The following YTHDC2 variants were observed in gnomAD, a reference collection of about 807,000 sequenced individuals.
The protein encoded by YTHDC2 is YTH N6-methyladenosine RNA binding protein C2.
YTHDC2 carries 45 observed loss-of-function variants against 174.9 expected under a neutral mutation model. The ratio of observed to expected loss-of-function variants is 0.26; its 90% CI spans 0.20 to 0.33. The LOEUF (loss-of-function observed/expected upper bound fraction) is 0.33. Ranked by LOEUF, YTHDC2 falls within the 10% of genes least tolerant of loss-of-function variation. The pLI is 1.00. For missense variants in YTHDC2, 1,650 were observed against 1,723.7 expected (o/e 0.96, Z 0.76); for synonymous variants, 657 against 574.5 (o/e 1.14, Z -2.05).
intron 2 of YTHDC2, among the ~76,000 whole-genome samples, chr5:113,517,931 C>G (rs1454315907): frequency 2.0e-5 from 3 of 152,044 alleles, no homozygotes; most frequent in Non-Finnish European, 4.4e-5. Flanking sequence ...CTCTGTCACC[C>G]AGGCTGGAGT....
intron 8 of YTHDC2, among the ~76,000 whole-genome samples, chr5:113,540,211 A>G (rs3936114): frequency 1.3e-5 from 2 of 152,226 alleles, no homozygotes; most frequent in African/African-American, 4.8e-5. Context: ...AAAATTATAT[A>G]TAATTGTATC....
At chr5:113,548,410 A>T (rs1273228775) in intron 10 of YTHDC2, 131 bp from the exon 11 acceptor site, 3 of 777,762 alleles carry the variant, frequency 3.9e-6, no homozygotes, top group Admixed American at 3.0e-5. Flanking sequence ...TGCTGTCATT[A>T]TGTAGTTAAG....
At chr5:113,568,459 A>G (rs909559094) in intron 23 of YTHDC2, among the ~76,000 whole-genome samples, 3 of 151,870 alleles carry the variant, frequency 2.0e-5, no homozygotes, top group African/African-American at 7.2e-5. Context: ...TGCACAGATC[A>G]TGACATCATG....
chr5:113,584,163 A>G (rs1363864757), intron 25 of YTHDC2, 139 bp from the exon 26 acceptor site: 12 of 665,604 alleles, frequency 1.8e-5, no homozygotes, highest in Non-Finnish European at 2.8e-5. Context: ...GTATTTTTAA[A>G]TAATATTCCA....
At chr5:113,551,751 A>G (rs974280625) in intron 12 of YTHDC2, among the ~76,000 whole-genome samples, 2 of 152,200 alleles carry the variant, frequency 1.3e-5, no homozygotes, top group African/African-American at 4.8e-5. Context: ...AACTTAAAGT[A>G]TAATAAAACA....
intron 26 of YTHDC2, among the ~76,000 whole-genome samples, chr5:113,587,593 A>G (rs1778765225): frequency 6.9e-6 from 1 of 144,658 alleles, no homozygotes; most frequent in Non-Finnish European, 1.5e-5. Context: ...AATATAATTA[A>G]TATTTATGAC....
chr5:113,594,885 G>C lies in YTHDC2; in HGVS notation c.*1411G>C, dbSNP rs1779182826. On this transcript the variant is annotated 3_prime_UTR_variant, in exon 30 of 30. Coordinates refer to ENST00000161863, the MANE Select transcript of YTHDC2 (RefSeq NM_022828.5). The stretch of plus-strand genomic sequence containing the variant: ...ACTTTCTCTGGGAAAGCATTATATA[G>C]TGGTGCATTAGTTTAGAAAGTCAGC... 2 of 152,138 alleles carry C rather than the reference G, an allele frequency of 1.3e-5. No homozygotes were observed. The highest frequency in any genetic ancestry group is 4.8e-5 in the African/African-American group (2 of 41,436). 9.4% of individuals were successfully genotyped at this position (152,138 alleles called of 1,614,324 possible).
At chr5:113,522,375 A>G (rs998743245) in intron 2 of YTHDC2, among the ~76,000 whole-genome samples, 2 of 152,186 alleles carry the variant, frequency 1.3e-5, no homozygotes, top group Non-Finnish European at 2.9e-5. Flanking sequence ...TTGATTACTT[A>G]TAGCATCATT....
In YTHDC2 at chr5:113,539,193, A is replaced by C. The variant is rs748161639; in HGVS notation, c.1210+12A>C. The C allele has an allele frequency of 3.5e-6, 4 of 1,146,560 alleles. No homozygotes were observed. The highest frequency in any genetic ancestry group is 1.6e-5 in the African/African-American group (1 of 61,858). 71.0% of individuals were successfully genotyped at this position (1,146,560 alleles called of 1,614,324 possible). A position where few individuals can be genotyped will look rare whatever the true frequency, so the allele number is the denominator to read the frequency against. On this transcript the variant is annotated intron_variant, in intron 8 of 29. Coordinates refer to ENST00000161863, the MANE Select transcript of YTHDC2 (RefSeq NM_022828.5). ...GGAAAAACAGCAAGGTAAATTTTTT[A>C]ATAAAAGAAATATAAAAGAAATTAC...
At position 113,594,944 on chromosome 5, in the gene YTHDC2, T is replaced by C. The variant is rs1040039689; in HGVS notation, c.*1470T>C. 2 of 152,176 alleles carry C rather than the reference T, an allele frequency of 1.3e-5. No homozygotes were observed. 9.4% of individuals were successfully genotyped at this position (152,176 alleles called of 1,614,324 possible). ...TGCCTATAGTTCTAGTTATTAGCTT[T>C]GGGGTTTTCTTGTACTTTAAGACAT... On this transcript the variant is annotated 3_prime_UTR_variant, in exon 30 of 30. Transcript: ENST00000161863.
chr5:113,524,194 A>G (rs1403278995), intron 2 of YTHDC2, among the ~76,000 whole-genome samples: 1 of 152,116 alleles, frequency 6.6e-6, no homozygotes, highest in Non-Finnish European at 1.5e-5. Flanking sequence ...CTGAGCTCTT[A>G]ATCAGTATTA....
intron 10 of YTHDC2, among the ~76,000 whole-genome samples, chr5:113,545,729 T>A (rs1283208109): frequency 3.7e-5 from 1 of 26,936 alleles, no homozygotes; most frequent in Non-Finnish European, 6.8e-5. Context: ...TTGATCTCCA[T>A]TTTTTTTTTT....
chr5:113,564,831 T>C (rs544464770), intron 20 of YTHDC2, among the ~76,000 whole-genome samples: 1 of 152,212 alleles, frequency 6.6e-6, no homozygotes, highest in Non-Finnish European at 1.5e-5. Context: ...GTTGTTGTTT[T>C]TTGAGACAGT....
At chr5:113,552,564 T>A (rs1776320194) in intron 12 of YTHDC2, among the ~76,000 whole-genome samples, 1 of 152,178 alleles carries the variant, frequency 6.6e-6, no homozygotes, top group African/African-American at 2.4e-5. Flanking sequence ...ATTTGTCAAT[T>A]GATGAACACT....
At chr5:113,564,276 A>C in intron 20 of YTHDC2, 145 bp downstream of exon 20, 1 of 956,448 alleles carries the variant, frequency 1.0e-6, no homozygotes, top group Non-Finnish European at 1.5e-6. Flanking sequence ...AGTCCTGAAA[A>C]ATATCTTCTT....
At chr5:113,569,673 T>C (rs2112745195) in intron 23 of YTHDC2, among the ~76,000 whole-genome samples, 1 of 152,344 alleles carries the variant, frequency 6.6e-6, no homozygotes, top group East Asian at 1.9e-4. Context: ...GTCTTATTTC[T>C]GAGTTCTCTA....
At chr5:113,528,368 T>C (rs976743295) in intron 4 of YTHDC2, among the ~76,000 whole-genome samples, 5 of 152,226 alleles carry the variant, frequency 3.3e-5, no homozygotes, top group Admixed American at 3.3e-4. Flanking sequence ...AATACTAATG[T>C]TTTTATTCTT....
At chr5:113,589,408 A>AATATATATATAT (rs34243829) in intron 26 of YTHDC2, among the ~76,000 whole-genome samples, 5 of 123,262 alleles carry the variant, frequency 4.1e-5, no homozygotes, top group Non-Finnish European at 6.5e-5. Context: ...AAAAAAAAAA[A>AATATATATATAT]ATATATATAT....
intron 27 of YTHDC2, 54 bp downstream of exon 27, chr5:113,591,298 T>C (rs1778992898): frequency 1.9e-6 from 3 of 1,557,738 alleles, no homozygotes; most frequent in African/African-American, 2.7e-5. Context: ...GGTTAAATCA[T>C]AGAGATTTTT....
Sources: allele counts gnomAD v4.1 joint callset (sites outside exome capture counted in the v4.1 genomes callset), GRCh38; gene constraint gnomAD v4.1.1; transcripts MANE v1.5; gene names NCBI Gene and HGNC (gene_info 2026-07-23, HGNC 2026-07-21).